Variants in SANBR observed in about 807,000 individuals in gnomAD.
The protein encoded by SANBR is SANT and BTB domain regulator of class switch recombination.
Under a neutral mutation model 101.8 loss-of-function variants are expected in SANBR, and 77 were observed. The observed-to-expected ratio is 0.76, with a 90% CI of 0.63 to 0.91. SANBR has a LOEUF of 0.91. SANBR is among the 40% of genes least tolerant of loss of function. The probability of loss-of-function intolerance (pLI) is 0.00; values close to 1 mark genes in which losing one functional copy is unlikely to be tolerated. For synonymous variants in SANBR, 279 were observed against 274.7 expected (o/e 1.02, Z -0.15); for missense variants, 875 against 853.0 (o/e 1.03, Z -0.32).
intron 13 of SANBR, among the ~76,000 whole-genome samples, chr2:61,104,794 CACA>C (rs1683476645): frequency 6.6e-6 from 1 of 150,814 alleles, no homozygotes; most frequent in Non-Finnish European, 1.5e-5. Context: ...CTTAGCCAGG[CACA>C]GTGCCTCATG....
chr2:61,129,409 A>C (rs1684614788), intron 20 of SANBR, among the ~76,000 whole-genome samples: 1 of 151,002 alleles, frequency 6.6e-6, no homozygotes, highest in Non-Finnish European at 1.5e-5. Context: ...ATGACACTGC[A>C]CTCCAACGTG....
chr2:61,075,539 G>A (rs902367097), intron 5 of SANBR, among the ~76,000 whole-genome samples: 9 of 152,154 alleles, frequency 5.9e-5, no homozygotes, highest in Non-Finnish European at 1.2e-4. Flanking sequence ...GATTGCAGGC[G>A]TCAGCCACCT....
In SANBR at chr2:61,122,153, T is replaced by G. The variant is rs1329122615; in HGVS notation, c.2148T>G (p.Arg716=). ...TRSKSRFGQG[R]PA is the part of the protein sequence containing the mutation. ...CTAAAAGTCGTTTTGGTCAAGGGCG[T>G]CCTGCATAAAGTACCTTAAAATATA... The change falls in exon 22 of 22, where the codon CGT becomes CGG. Residue 716 remains arginine (R), a synonymous_variant. Transcript: ENST00000402291. 2 of 1,550,124 alleles carry G rather than the reference T, an allele frequency of 1.3e-6. No individual in the cohort carries two copies. The highest frequency in any genetic ancestry group is 1.7e-6 in the Non-Finnish European group (2 of 1,145,876).
intron 7 of SANBR, among the ~76,000 whole-genome samples, chr2:61,081,718 A>G (rs1573602517): frequency 6.6e-6 from 1 of 152,162 alleles, no homozygotes; most frequent in East Asian, 1.9e-4. Flanking sequence ...GCATGATCTC[A>G]GCTCACTGCA....
chr2:61,079,433 A>G (rs1408092291), intron 6 of SANBR, among the ~76,000 whole-genome samples: 1 of 152,190 alleles, frequency 6.6e-6, no homozygotes, highest in African/African-American at 2.4e-5. Context: ...CTCTTATGGA[A>G]AATAAATCTA....
At chr2:61,073,841 A>G (rs1018116382) in intron 5 of SANBR, among the ~76,000 whole-genome samples, 1 of 152,098 alleles carries the variant, frequency 6.6e-6, no homozygotes, top group Non-Finnish European at 1.5e-5. Flanking sequence ...ACCCAAGGAA[A>G]AAAACTGTAT....
At position 61,080,888 on chromosome 2, in the gene SANBR, G is replaced by A. The variant is rs760339439; in HGVS notation, c.671-564G>A. On this transcript the variant is annotated intron_variant, in intron 6 of 21. Coordinates refer to ENST00000402291, the MANE Select transcript of SANBR (RefSeq NM_001129993.3). The stretch of plus-strand genomic sequence containing the variant: ...AGTTTTCTTTCCTTAAACATACCTC[G>A]TGGGAGATGACAGGTTTGCTAAACT... 4.9e-4 allele frequency among the ~76,000 whole-genome samples: 75 copies of A among 152,188 alleles called. 2 individuals carry two copies. The highest frequency in any genetic ancestry group is 1.9e-4 in the Non-Finnish European group (13 of 68,020).
At chr2:61,116,917 T>C (rs56774327) in intron 17 of SANBR, 9,573 of 163,068 alleles carry the variant, frequency 0.059, 1,038 homozygotes, top group African/African-American at 0.22. Flanking sequence ...ATTAGCCAGG[T>C]ATGGTGGCAC....
At chr2:61,099,953 G>T (rs947854625) in intron 12 of SANBR, among the ~76,000 whole-genome samples, 5 of 152,124 alleles carry the variant, frequency 3.3e-5, no homozygotes, top group Non-Finnish European at 7.4e-5. Flanking sequence ...TTGGTGGAGT[G>T]CTAGATCCAG....
chr2:61,075,471 C>G (rs1261566418), intron 5 of SANBR, among the ~76,000 whole-genome samples: 1 of 152,092 alleles, frequency 6.6e-6, no homozygotes, highest in Non-Finnish European at 1.5e-5. Flanking sequence ...GTTACCCAGG[C>G]TGGTCTGAAA....
intron 13 of SANBR, among the ~76,000 whole-genome samples, chr2:61,105,832 T>A (rs1377121089): frequency 6.6e-6 from 1 of 151,922 alleles, no homozygotes; most frequent in Non-Finnish European, 1.5e-5. Context: ...CCACCATGCC[T>A]GGCTAATTTT....
chr2:61,135,818 T>C (rs550930950), intron 21 of SANBR, among the ~76,000 whole-genome samples: 38 of 152,022 alleles, frequency 2.5e-4, no homozygotes, highest in African/African-American at 9.2e-4. Context: ...AAAGCAAATA[T>C]GAAAAGGGAA....
intron 16 of SANBR, among the ~76,000 whole-genome samples, chr2:61,110,604 G>T (rs571639646): frequency 6.6e-6 from 1 of 152,110 alleles, no homozygotes; most frequent in Non-Finnish European, 1.5e-5. Flanking sequence ...GCTTGAACCC[G>T]CAAGGCGGAG....
chr2:61,100,318 T>A (rs1449622550), intron 12 of SANBR, among the ~76,000 whole-genome samples: 12 of 152,192 alleles, frequency 7.9e-5, no homozygotes, highest in Non-Finnish European at 1.8e-4. Flanking sequence ...TTGGCCAGGC[T>A]GGTCTCGAAC....
At chr2:61,109,561 GA>G (rs1390389332) in intron 16 of SANBR, among the ~76,000 whole-genome samples, 4 of 151,696 alleles carry the variant, frequency 2.6e-5, no homozygotes, top group Middle Eastern at 3.4e-3. Flanking sequence ...CATTTCAGAT[GA>G]AATGTGATCT....
chr2:61,131,443 A>T (rs1684686080), intron 20 of SANBR, among the ~76,000 whole-genome samples: 1 of 152,226 alleles, frequency 6.6e-6, no homozygotes, highest in Non-Finnish European at 1.5e-5. Context: ...AACTTTTAAC[A>T]TCAAAAAATT....
rs777331484 is a variant in SANBR, at chr2:61,088,490, T to G, written c.1088+22T>G. On this transcript the variant is annotated intron_variant, in intron 10 of 21. Coordinates refer to ENST00000402291, the MANE Select transcript of SANBR (RefSeq NM_001129993.3). ...TAAGGTGTCGTGAAGATAAAATACA[T>G]ACATGTATTTTTGTATATATATATA... 2.8e-6 allele frequency: 4 copies of G among 1,439,812 alleles called. No homozygotes were observed. In the Admixed American group the frequency reaches 8.0e-5, roughly 29 times the overall value. 89.2% of individuals were successfully genotyped at this position (1,439,812 alleles called of 1,614,324 possible).
intron 21 of SANBR, among the ~76,000 whole-genome samples, chr2:61,136,063 G>C (rs1684829483): frequency 6.6e-6 from 1 of 152,202 alleles, no homozygotes; most frequent in East Asian, 1.9e-4. Flanking sequence ...CCAGCACTCT[G>C]GGAGGCCGAG....
chr2:61,100,877 C>G (rs993573345), intron 12 of SANBR, among the ~76,000 whole-genome samples: 2 of 152,168 alleles, frequency 1.3e-5, no homozygotes, highest in African/African-American at 4.8e-5. Flanking sequence ...TTATATCACT[C>G]TCTCCAGTAA....
Sources: gnomAD v4.1 joint callset for allele counts (sites outside exome capture counted in the v4.1 genomes callset) on GRCh38, gnomAD v4.1.1 for gene constraint, MANE v1.5 for transcripts, NCBI Gene and HGNC (gene_info 2026-07-23, HGNC 2026-07-21) for gene names.